The following NECTIN3 variants were observed in gnomAD, a reference collection of about 807,000 sequenced individuals.
NECTIN3 encodes nectin cell adhesion molecule 3, also known as nectin-3.
NECTIN3 carries 8 observed loss-of-function variants against 49.4 expected under a neutral mutation model. The observed-to-expected ratio is 0.16, with a 90% confidence interval of 0.10 to 0.29. The LOEUF (loss-of-function observed/expected upper bound fraction) is 0.29, where lower values mean the gene tolerates loss of function less well. NECTIN3 is among the 10% of genes least tolerant of loss of function. NECTIN3 has a pLI of 1.00. For synonymous variants in NECTIN3, 277 were observed against 241.1 expected (o/e 1.15, Z -1.38); for missense variants, 581 against 654.6 (o/e 0.89, Z 1.23).
intron 7 of NECTIN3, among the ~76,000 whole-genome samples, chr3:111,166,940 G>T (rs2035329845): frequency 6.6e-6 from 1 of 152,222 alleles, no homozygotes; most frequent in Non-Finnish European, 1.5e-5. Flanking sequence ...TAGGTAGATA[G>T]ATTTGAACCC....
intron 7 of NECTIN3, among the ~76,000 whole-genome samples, chr3:111,163,586 G>A (rs528049658): frequency 6.6e-6 from 1 of 152,160 alleles, no homozygotes; most frequent in Non-Finnish European, 1.5e-5. Context: ...TGCAAGGTTT[G>A]TAATGTCACT....
intron 7 of NECTIN3, among the ~76,000 whole-genome samples, chr3:111,152,117 G>A (rs1002892277): frequency 5.3e-5 from 8 of 151,756 alleles, no homozygotes; most frequent in African/African-American, 1.7e-4. Flanking sequence ...TTATGTCTAC[G>A]TAGTATTGTA....
intron 1 of NECTIN3, among the ~76,000 whole-genome samples, chr3:111,094,867 A>T (rs897751434): frequency 6.6e-6 from 1 of 152,230 alleles, no homozygotes; most frequent in East Asian, 1.9e-4. Flanking sequence ...ATATTTGCAC[A>T]AAGAGTGAAC....
chr3:111,119,209 T>G (rs1364436458), intron 3 of NECTIN3, among the ~76,000 whole-genome samples: 1 of 152,104 alleles, frequency 6.6e-6, no homozygotes, highest in Non-Finnish European at 1.5e-5. Context: ...ACTTAGGGAG[T>G]TATGGCAACT....
chr3:111,192,126 C>G (rs1387238621), upstream of NECTIN3, among the ~76,000 whole-genome samples: 2 of 152,174 alleles, frequency 1.3e-5, no homozygotes, highest in Non-Finnish European at 2.9e-5. Flanking sequence ...GCCACTGTGC[C>G]CAGCCCTATA....
chr3:111,108,950 C>A (rs539025974), intron 1 of NECTIN3, among the ~76,000 whole-genome samples: 30 of 152,250 alleles, frequency 2.0e-4, no homozygotes, highest in African/African-American at 7.0e-4. Flanking sequence ...CCATTGCAGG[C>A]TGCTATAACA....
intron 2 of NECTIN3, among the ~76,000 whole-genome samples, chr3:111,115,699 T>C (rs2033664152): frequency 6.6e-6 from 1 of 152,186 alleles, no homozygotes; most frequent in African/African-American, 2.4e-5. Flanking sequence ...TCTGGTGTTT[T>C]TGATCAATTG....
At chr3:111,149,501 G>GTGTGTT (rs1490961936) in intron 7 of NECTIN3, among the ~76,000 whole-genome samples, 11 of 142,666 alleles carry the variant, frequency 7.7e-5, no homozygotes, top group African/African-American at 2.8e-4. Context: ...GTGTGTGTGT[G>GTGTGTT]TGTGTGTAGA....
chr3:111,142,081 A>G (rs2107505380), downstream of NECTIN3, among the ~76,000 whole-genome samples: 1 of 151,982 alleles, frequency 6.6e-6, no homozygotes, highest in East Asian at 1.9e-4. Flanking sequence ...GGGCTAAATT[A>G]CCAATTTTCA....
intron 1 of NECTIN3, among the ~76,000 whole-genome samples, chr3:111,108,526 A>C (rs1436289369): frequency 1.3e-5 from 2 of 152,080 alleles, no homozygotes; most frequent in Non-Finnish European, 2.9e-5. Flanking sequence ...GTCTTAGTCA[A>C]CTTGGGGTGT....
intron 1 of NECTIN3, among the ~76,000 whole-genome samples, chr3:111,104,616 C>T (rs188496764): frequency 3.3e-5 from 5 of 151,928 alleles, no homozygotes; most frequent in East Asian, 1.9e-4. Context: ...CCACTGCACC[C>T]GACCTCTTTT....
At chr3:111,131,971 A>T (rs1172408464) in intron 5 of NECTIN3, among the ~76,000 whole-genome samples, 2 of 151,904 alleles carry the variant, frequency 1.3e-5, no homozygotes, top group African/African-American at 4.8e-5. Flanking sequence ...GACATTCAAT[A>T]CATTAAAGTT....
At position 111,136,080 on chromosome 3, in the gene NECTIN3, T is replaced by G. The variant is rs2034565396; in HGVS notation, c.*1865T>G. ...GTGACTTTATTTTTAATTTAAACGA[T>G]GAGGTGGCCAGAAGAAAGATGGGTC... On this transcript the variant is annotated 3_prime_UTR_variant, in exon 6 of 6. Coordinates refer to ENST00000485303, the MANE Select transcript of NECTIN3 (RefSeq NM_015480.3). The G allele has an allele frequency of 1.1e-6, 1 of 920,550 alleles. No homozygotes were observed. Among genetic ancestry groups the G allele is most frequent in the African/African-American group, 1.9e-5 (1 of 52,456 alleles). The allele number at this position is 920,550 out of a possible 1,614,324, so 57.0% of individuals were successfully genotyped here.
At position 111,154,599 on chromosome 3, in the gene NECTIN3, C is replaced by T. The variant is rs555577740; in HGVS notation, c.1221+7115C>T. ...CAAACTGTGATCCTAAATGGTTTTA[C>T]CATTTATGTTCCTATGAGCCAAGTG... On this transcript the variant is annotated intron_variant, in intron 7 of 8. Transcript: ENST00000493615. Among the ~76,000 whole-genome samples the T allele has an allele frequency of 7.2e-5, 11 of 152,198 alleles. No individual in the cohort carries two copies. In the South Asian group the frequency reaches 2.3e-3, roughly 32 times the overall value.
At chr3:111,129,941 C>T (rs913973173) in intron 5 of NECTIN3, among the ~76,000 whole-genome samples, 2 of 150,156 alleles carry the variant, frequency 1.3e-5, no homozygotes, top group Non-Finnish European at 3.0e-5. Context: ...TGAGCCACTG[C>T]GCCCAGCAGA....
chr3:111,171,834 A>G (rs968524480), intron 7 of NECTIN3, among the ~76,000 whole-genome samples: 1 of 152,158 alleles, frequency 6.6e-6, no homozygotes, highest in Admixed American at 6.5e-5. Context: ...TCATTATCCA[A>G]CTTGCCCTGC....
chr3:111,162,592 A>G (rs2035235609), intron 7 of NECTIN3, among the ~76,000 whole-genome samples: 1 of 152,200 alleles, frequency 6.6e-6, no homozygotes, highest in African/African-American at 2.4e-5. Flanking sequence ...CAGTGTGAGA[A>G]TGGACTAATG....
At chr3:111,147,121 C>T (rs1303447404) in intron 6 of NECTIN3, among the ~76,000 whole-genome samples, 1 of 152,114 alleles carries the variant, frequency 6.6e-6, no homozygotes, top group East Asian at 1.9e-4. Context: ...AAAGTAAAGT[C>T]ATATACTGGA....
downstream of NECTIN3, among the ~76,000 whole-genome samples, chr3:111,137,852 G>C (rs1169907108): frequency 6.8e-6 from 1 of 146,398 alleles, no homozygotes; most frequent in Non-Finnish European, 1.5e-5. Context: ...TTGTTACACA[G>C]GTAATGTGCC....
Sources: gnomAD v4.1 joint callset for allele counts (sites outside exome capture counted in the v4.1 genomes callset) on GRCh38, gnomAD v4.1.1 for gene constraint, MANE v1.5 for transcripts, NCBI Gene and HGNC (gene_info 2026-07-23, HGNC 2026-07-21) for gene names.